ABCA10: variants seen among roughly 807,000 people sequenced by gnomAD.
ABCA10 encodes the protein ATP binding cassette subfamily A member 10, also known as ATP-binding cassette sub-family A member 10.
Under a neutral mutation model 187.5 loss-of-function variants are expected in ABCA10, and 169 were observed. The observed-to-expected ratio is 0.90, with a 90% CI of 0.80 to 1.02. The LOEUF (loss-of-function observed/expected upper bound fraction) is 1.02, where lower values mean the gene tolerates loss of function less well. Ranked by LOEUF, ABCA10 falls within the 50% of genes least tolerant of loss-of-function variation. The pLI is 0.00. For missense variants in ABCA10, 1,727 were observed against 1,812.4 expected (o/e 0.95, Z 0.86); for synonymous variants, 574 against 601.8 (o/e 0.95, Z 0.68).
chr17:69,156,801 A>G (rs776198388), intron 28 of ABCA10, 31 bp downstream of exon 28: 51 of 1,264,430 alleles, frequency 4.0e-5, no homozygotes, highest in Non-Finnish European at 5.2e-5. Flanking sequence ...TATTTAGATT[A>G]TATTCAGATC....
intron 18 of ABCA10, among the ~76,000 whole-genome samples, chr17:69,189,712 A>AT (rs1191621355): frequency 6.6e-6 from 1 of 152,184 alleles, no homozygotes; most frequent in Admixed American, 6.5e-5. Context: ...GGTGAAAGGT[A>AT]GGGCTCTAGT....
At position 69,215,801 on chromosome 17, in the gene ABCA10, A is replaced by T; in HGVS notation, c.858+14T>A. 6.9e-7 allele frequency: 1 copy of T among 1,457,944 alleles called. No individual in the cohort carries two copies. The highest frequency in any genetic ancestry group is 9.1e-7 in the Non-Finnish European group (1 of 1,104,398). The allele number at this position is 1,457,944 out of a possible 1,614,324, so 90.3% of individuals were successfully genotyped here. ...AAATCTAATAATAAAATCTTGAAAT[A>T]ATTATGTTCTTACCTGGGCCATTCC... On this transcript the variant is annotated intron_variant, in intron 8 of 38. Transcript: ENST00000690296.
chr17:69,187,640 C>T, intron 19 of ABCA10, 41 bp downstream of exon 19: 2 of 1,561,064 alleles, frequency 1.3e-6, no homozygotes, highest in Middle Eastern at 1.7e-4. Context: ...AATGTTTTTT[C>T]ATATACTGAC....
upstream of ABCA10, among the ~76,000 whole-genome samples, chr17:69,231,892 T>C: frequency 3.3e-5 from 5 of 152,288 alleles, no homozygotes; most frequent in Middle Eastern, 0.017. Flanking sequence ...TTTGTCCTTT[T>C]AGATCTATTT....
intron 27 of ABCA10, 34 bp downstream of exon 27, chr17:69,164,040 C>T: frequency 6.8e-7 from 1 of 1,468,832 alleles, no homozygotes; most frequent in South Asian, 1.4e-5. Context: ...GAATCTTATG[C>T]AATATATATA....
intron 11 of ABCA10, 53 bp from the exon 12 acceptor site, chr17:69,194,548 T>C: frequency 2.2e-6 from 3 of 1,337,838 alleles, no homozygotes; most frequent in East Asian, 2.3e-5. Context: ...GCAGATGGAA[T>C]GGACCTTAAA....
At chr17:69,230,416 T>C (rs1016764484), upstream of ABCA10, among the ~76,000 whole-genome samples, 2 of 152,090 alleles carry the variant, frequency 1.3e-5, no homozygotes, top group African/African-American at 4.8e-5. Context: ...TCATTGTCTG[T>C]GTCCCTTGGA....
At chr17:69,152,983 T>C (rs2074142214) in intron 34 of ABCA10, among the ~76,000 whole-genome samples, 1 of 151,274 alleles carries the variant, frequency 6.6e-6, no homozygotes, top group African/African-American at 2.4e-5. Flanking sequence ...AAAGTTGGAG[T>C]AAAAAATACA....
chr17:69,192,780 C>T, intron 15 of ABCA10, 127 bp from the exon 16 acceptor site: 2 of 824,860 alleles, frequency 2.4e-6, no homozygotes, highest in East Asian at 2.6e-5. Context: ...ATCATTAAGC[C>T]CCTGGGTGCA....
At chr17:69,174,817 T>C in intron 23 of ABCA10, 40 bp from the exon 24 acceptor site, 3 of 1,467,006 alleles carry the variant, frequency 2.0e-6, no homozygotes, top group South Asian at 1.6e-5. Flanking sequence ...GGATCTTAGT[T>C]TGAAAAGATT....
intron 28 of ABCA10, 98 bp downstream of exon 28, chr17:69,156,734 T>C: frequency 1.4e-6 from 1 of 724,322 alleles, no homozygotes; most frequent in Non-Finnish European, 1.9e-6. Context: ...ACCCTGTTTC[T>C]ATTTTCAAAA....
In ABCA10 at chr17:69,150,083, G is replaced by A; in HGVS notation, c.4398-20C>T. 2 of 1,565,150 alleles carry A rather than the reference G, an allele frequency of 1.3e-6. No individual in the cohort carries two copies. Among genetic ancestry groups the A allele is most frequent in the Non-Finnish European group, 1.8e-6 (2 of 1,141,050 alleles). The stretch of plus-strand genomic sequence containing the variant: ...GAATATCTGTCAGGAAGAAGAGTGA[G>A]ATTTATTACTAAGTTTCAGTGTGAT... On this transcript the variant is annotated intron_variant, in intron 36 of 38. Coordinates refer to ENST00000690296, the MANE Select transcript of ABCA10 (RefSeq NM_001377321.1).
intron 13 of ABCA10, 60 bp from the exon 14 acceptor site, chr17:69,193,672 CT>C: frequency 1.3e-6 from 2 of 1,548,652 alleles, no homozygotes; most frequent in Non-Finnish European, 1.7e-6. Flanking sequence ...AGTTTTTACT[CT>C]CTAAAAATGA....
At chr17:69,239,677 T>C (rs1013118867) in intron 1 of ABCA10, among the ~76,000 whole-genome samples, 7 of 152,170 alleles carry the variant, frequency 4.6e-5, no homozygotes, top group African/African-American at 1.7e-4. Context: ...CTTAGGTTTC[T>C]AATTGTTGAG....
chr17:69,194,288 T>C, intron 12 of ABCA10, 97 bp downstream of exon 12: 1 of 1,023,224 alleles, frequency 9.8e-7, no homozygotes, highest in East Asian at 2.5e-5. Context: ...TATTCAACTG[T>C]GTAACAAGTC....
At chr17:69,199,150 T>C (rs2074525997) in intron 10 of ABCA10, among the ~76,000 whole-genome samples, 1 of 152,328 alleles carries the variant, frequency 6.6e-6, no homozygotes, top group Non-Finnish European at 1.5e-5. Flanking sequence ...ACCAAGACCT[T>C]TCTCTTTCAT....
intron 1 of ABCA10, among the ~76,000 whole-genome samples, chr17:69,227,495 G>A (rs1400447792): frequency 6.6e-6 from 1 of 151,858 alleles, no homozygotes; most frequent in Non-Finnish European, 1.5e-5. Context: ...CTATGAGGGA[G>A]ATAAAGGAGA....
At chr17:69,151,343 C>T (rs998085093) in intron 36 of ABCA10, among the ~76,000 whole-genome samples, 3 of 152,136 alleles carry the variant, frequency 2.0e-5, no homozygotes, top group Admixed American at 6.6e-5. Flanking sequence ...TCTTCATTTG[C>T]TTAATATCTT....
At chr17:69,186,714 C>T (rs2074424574) in intron 19 of ABCA10, among the ~76,000 whole-genome samples, 1 of 152,150 alleles carries the variant, frequency 6.6e-6, no homozygotes, top group Admixed American at 6.6e-5. Context: ...TTCAGTAAGA[C>T]CAACACCAGC....
Sources: allele counts gnomAD v4.1 joint callset (sites outside exome capture counted in the v4.1 genomes callset), GRCh38; gene constraint gnomAD v4.1.1; transcripts MANE v1.5; gene names NCBI Gene and HGNC (gene_info 2026-07-23, HGNC 2026-07-21).